COG3: variants seen among roughly 807,000 people sequenced by gnomAD.
The protein encoded by COG3 is conserved oligomeric Golgi complex subunit 3.
Under a neutral mutation model 114.1 loss-of-function variants are expected in COG3, and 32 were observed. That is an observed-to-expected ratio of 0.28 (90% CI 0.21 to 0.38). The LOEUF is 0.38. COG3 is among the 10% of genes least tolerant of loss of function. COG3 has a pLI of 1.00. For synonymous variants in COG3, 352 were observed against 365.7 expected, an observed-to-expected ratio of 0.96 and a Z score of 0.43; for missense variants, 813 against 973.2, an observed-to-expected ratio of 0.84 and a Z score of 2.19.
At chr13:45,515,007 G>A (rs976419064) in intron 16 of COG3, among the ~76,000 whole-genome samples, 5 of 152,194 alleles carry the variant, frequency 3.3e-5, no homozygotes, top group African/African-American at 7.2e-5. Flanking sequence ...GTCTTAAACA[G>A]TTTTTTAAGG....
intron 1 of COG3, among the ~76,000 whole-genome samples, chr13:45,467,144 T>C (rs1291951229): frequency 6.6e-6 from 1 of 152,220 alleles, no homozygotes; most frequent in African/African-American, 2.4e-5. Context: ...GATGATGGAC[T>C]ACCTGAAGCT....
chr13:45,513,772 T>G (rs1301527665), intron 16 of COG3, among the ~76,000 whole-genome samples: 1 of 151,796 alleles, frequency 6.6e-6, no homozygotes, highest in East Asian at 1.9e-4. Flanking sequence ...GCCCGCACAT[T>G]TTTGATAATA....
intron 1 of COG3, among the ~76,000 whole-genome samples, chr13:45,468,141 AT>A (rs1885260677): frequency 6.6e-6 from 1 of 152,198 alleles, no homozygotes; most frequent in African/African-American, 2.4e-5. Context: ...TGCTAAAATA[AT>A]TTACCCCGAC....
intron 8 of COG3, among the ~76,000 whole-genome samples, chr13:45,488,043 C>T (rs928786914): frequency 6.6e-6 from 1 of 152,130 alleles, no homozygotes; most frequent in African/African-American, 2.4e-5. Flanking sequence ...TACTATTCAG[C>T]TGTAACAAAA....
intron 1 of COG3, among the ~76,000 whole-genome samples, chr13:45,472,066 T>C (rs1375186514): frequency 2.6e-5 from 4 of 152,168 alleles, no homozygotes; most frequent in Non-Finnish European, 5.9e-5. Flanking sequence ...TTATTTCTCC[T>C]ACATTTTAAA....
intron 1 of COG3, among the ~76,000 whole-genome samples, chr13:45,470,674 C>T (rs1297679658): frequency 1.3e-5 from 2 of 152,214 alleles, no homozygotes; most frequent in Non-Finnish European, 2.9e-5. Context: ...GGGATTTTGA[C>T]ATTGATCTAC....
intron 19 of COG3, among the ~76,000 whole-genome samples, chr13:45,524,095 A>ACATTATACCCTGTGTCTGCC (rs1309641623): frequency 1.5e-4 from 23 of 152,310 alleles, no homozygotes; most frequent in South Asian, 2.1e-4. Flanking sequence ...ATCCAAGTCA[A>ACATTATACCCTGTGTCTGCC]CATTATACCC....
At chr13:45,471,035 C>T (rs749264835) in intron 1 of COG3, among the ~76,000 whole-genome samples, 14 of 152,164 alleles carry the variant, frequency 9.2e-5, no homozygotes, top group Non-Finnish European at 2.1e-4. Flanking sequence ...AGCTGAGGAG[C>T]GTCTGTACTA....
chr13:45,508,406 A>G (rs1247624813), intron 14 of COG3, among the ~76,000 whole-genome samples: 1 of 86,406 alleles, frequency 1.2e-5, no homozygotes, highest in Middle Eastern at 4.2e-3. Context: ...ATATATATAC[A>G]CACACACACA....
chr13:45,499,060 C>T (rs950002387), intron 13 of COG3, among the ~76,000 whole-genome samples: 3 of 152,004 alleles, frequency 2.0e-5, no homozygotes, highest in African/African-American at 7.3e-5. Context: ...TAGGTGTGCT[C>T]ATTTCTAGTG....
intron 12 of COG3, among the ~76,000 whole-genome samples, chr13:45,495,241 G>C (rs191962752): frequency 6.8e-6 from 1 of 147,080 alleles, no homozygotes; most frequent in Admixed American, 7.0e-5. Flanking sequence ...TCCTATCTGC[G>C]CCTCCCAAAG....
chr13:45,511,272 T>G, intron 15 of COG3, among the ~76,000 whole-genome samples: 1 of 152,236 alleles, frequency 6.6e-6, no homozygotes, highest in Non-Finnish European at 1.5e-5. Context: ...GTCAGTCCCC[T>G]GTCTTTGAAC....
At chr13:45,508,567 AACG>A (rs1332293522) in intron 14 of COG3, among the ~76,000 whole-genome samples, 2 of 152,082 alleles carry the variant, frequency 1.3e-5, no homozygotes, top group East Asian at 1.9e-4. Context: ...TCCAAAAAAT[AACG>A]ACATCTTTTA....
At position 45,534,834 on chromosome 13, in the gene COG3, C is replaced by G; in HGVS notation, c.*103C>G. 3 of 1,431,454 alleles carry G rather than the reference C, an allele frequency of 2.1e-6. No homozygotes were observed. Among genetic ancestry groups the G allele is most frequent in the Non-Finnish European group, 2.7e-6 (3 of 1,096,044 alleles). The allele number at this position is 1,431,454 out of a possible 1,614,324, so 88.7% of individuals were successfully genotyped here. On this transcript the variant is annotated 3_prime_UTR_variant, in exon 23 of 23. Transcript: ENST00000349995. ...GAGGAATCGTATGTGGGAACGTCCC[C>G]GAGAACCACACGAGCGTGCTGCTCA...
chr13:45,479,212 G>A (rs1455634396), intron 3 of COG3, 146 bp downstream of exon 3: 1 of 624,238 alleles, frequency 1.6e-6, no homozygotes, highest in East Asian at 2.7e-5. Flanking sequence ...CCAGTGAGAA[G>A]ATTTGGGTCT....
chr13:45,527,932 G>A (rs961611850), intron 20 of COG3, among the ~76,000 whole-genome samples: 1 of 152,150 alleles, frequency 6.6e-6, no homozygotes, highest in Non-Finnish European at 1.5e-5. Context: ...CATCTCGAGA[G>A]AGAGCTAGGA....
intron 13 of COG3, among the ~76,000 whole-genome samples, chr13:45,500,023 AAAAT>A (rs1470226518): frequency 1.3e-4 from 17 of 129,116 alleles, no homozygotes; most frequent in African/African-American, 6.5e-4. Context: ...GCCTTAAAAA[AAAAT>A]ATATATATAT....
chr13:45,512,904 C>T (rs758806696), intron 16 of COG3, among the ~76,000 whole-genome samples: 11 of 152,060 alleles, frequency 7.2e-5, no homozygotes, highest in Non-Finnish European at 1.0e-4. Flanking sequence ...TGTTAGCCAC[C>T]GCACTTAGCG....
chr13:45,482,332 A>G, intron 5 of COG3, 49 bp from the exon 6 acceptor site: 2 of 973,526 alleles, frequency 2.1e-6, no homozygotes, highest in Non-Finnish European at 3.2e-6. Context: ...TCCAACTTTT[A>G]TCTGTATCAT....
Sources: allele counts gnomAD v4.1 joint callset (sites outside exome capture counted in the v4.1 genomes callset), GRCh38; gene constraint gnomAD v4.1.1; transcripts MANE v1.5; gene names NCBI Gene and HGNC (gene_info 2026-07-23, HGNC 2026-07-21).